Variants in DPP10 observed in about 807,000 individuals in gnomAD.
The protein encoded by DPP10 is dipeptidyl peptidase like 10, also known as inactive dipeptidyl peptidase 10.
DPP10 carries 33 observed loss-of-function variants against 120.9 expected under a neutral mutation model. The ratio of observed to expected loss-of-function variants is 0.27; its 90% confidence interval spans 0.21 to 0.37. The LOEUF (loss-of-function observed/expected upper bound fraction) is 0.37, where lower values mean the gene tolerates loss of function less well. Among genes scored for constraint, DPP10 ranks in the 10% least tolerant of loss-of-function variants. The pLI, the probability that DPP10 is intolerant of heterozygous loss-of-function variation, is 1.00. For synonymous variants in DPP10, 337 were observed against 326.1 expected, an observed-to-expected ratio of 1.03 and a Z score of -0.36; for missense variants, 816 against 942.8, an observed-to-expected ratio of 0.87 and a Z score of 1.76.
intron 3 of DPP10, among the ~76,000 whole-genome samples, chr2:115,413,670 A>G (rs143023763): frequency 1.3e-5 from 2 of 152,314 alleles, no homozygotes; most frequent in Admixed American, 1.3e-4. Context: ...CTGCTGCTTT[A>G]TGAATGAAGT....
At chr2:114,574,475 G>A (rs1026194860) in intron 1 of DPP10, among the ~76,000 whole-genome samples, 2 of 152,206 alleles carry the variant, frequency 1.3e-5, no homozygotes, top group Admixed American at 6.5e-5. Flanking sequence ...AGGCCTGCTT[G>A]GAGGCCCTGT....
At chr2:114,689,899 A>G (rs530576080) in intron 1 of DPP10, among the ~76,000 whole-genome samples, 2 of 151,276 alleles carry the variant, frequency 1.3e-5, no homozygotes, top group East Asian at 3.9e-4. Flanking sequence ...GTGTCTGTTC[A>G]TGTCCTTTGC....
intron 17 of DPP10, among the ~76,000 whole-genome samples, chr2:115,786,147 T>C (rs1683320358): frequency 6.6e-6 from 1 of 152,192 alleles, no homozygotes; most frequent in South Asian, 2.1e-4. Context: ...TAAAATTACA[T>C]GCTTATAACA....
chr2:115,528,934 T>G (rs1265480748), intron 5 of DPP10, among the ~76,000 whole-genome samples: 1 of 152,078 alleles, frequency 6.6e-6, no homozygotes, highest in Non-Finnish European at 1.5e-5. Context: ...GCTCTGTATC[T>G]TAATTATATA....
chr2:114,506,086 C>T (rs1470894374), intron 1 of DPP10, among the ~76,000 whole-genome samples: 1 of 152,222 alleles, frequency 6.6e-6, no homozygotes, highest in African/African-American at 2.4e-5. Flanking sequence ...GCCCCAACCT[C>T]AAGCCTGAAA....
chr2:114,855,792 A>T (rs997376444), intron 1 of DPP10, among the ~76,000 whole-genome samples: 15 of 152,190 alleles, frequency 9.9e-5, no homozygotes, highest in Admixed American at 7.9e-4. Flanking sequence ...GGGGGAGGTC[A>T]TTTCTAGTTG....
At chr2:115,164,425 T>G (rs552260608) in intron 1 of DPP10, among the ~76,000 whole-genome samples, 3 of 152,092 alleles carry the variant, frequency 2.0e-5, no homozygotes, top group Middle Eastern at 3.4e-3. Context: ...TGTGATTAGT[T>G]GTGTGTTTTC....
At chr2:114,805,493 A>T (rs1029517871) in intron 1 of DPP10, among the ~76,000 whole-genome samples, 3 of 152,206 alleles carry the variant, frequency 2.0e-5, no homozygotes, top group Admixed American at 6.5e-5. Flanking sequence ...CCTGCAGCAG[A>T]TGCTTGGCCC....
chr2:115,123,470 T>C (rs573932287), intron 1 of DPP10, among the ~76,000 whole-genome samples: 59 of 152,274 alleles, frequency 3.9e-4, no homozygotes, highest in African/African-American at 1.1e-3. Flanking sequence ...CAAATGCTCA[T>C]TTGAGGCATT....
At chr2:115,805,396 C>G (rs149957179) in intron 19 of DPP10, among the ~76,000 whole-genome samples, 1,881 of 152,214 alleles carry the variant, frequency 0.012, 43 homozygotes, top group African/African-American at 0.041. Flanking sequence ...GGCGATGCCT[C>G]GCCCTGCTTT....
chr2:115,728,288 T>TAA (rs60549082), intron 8 of DPP10, among the ~76,000 whole-genome samples: 1 of 147,314 alleles, frequency 6.8e-6, no homozygotes, highest in African/African-American at 2.5e-5. Flanking sequence ...CCTTTATTTC[T>TAA]AAAAAAAAAA....
intron 5 of DPP10, among the ~76,000 whole-genome samples, chr2:115,589,502 G>T (rs1375155): frequency 0.99 from 150,017 of 152,218 alleles, 73,964 homozygotes; most frequent in East Asian, 1. Context: ...CGTCAATAAC[G>T]TCAATTGATG....
At chr2:114,843,322 A>G (rs1688306426) in intron 1 of DPP10, among the ~76,000 whole-genome samples, 1 of 152,146 alleles carries the variant, frequency 6.6e-6, no homozygotes, top group African/African-American at 2.4e-5. Context: ...TGGTCCCCTG[A>G]AGAAATAAAT....
chr2:114,961,327 T>A (rs892005284), intron 1 of DPP10, among the ~76,000 whole-genome samples: 1 of 152,130 alleles, frequency 6.6e-6, no homozygotes, highest in Non-Finnish European at 1.5e-5. Context: ...GTGCTGAGAT[T>A]AAAGGCATGA....
chr2:115,343,138 A>G (rs114989821), intron 2 of DPP10, among the ~76,000 whole-genome samples: 1,723 of 152,330 alleles, frequency 0.011, 26 homozygotes, highest in African/African-American at 0.04. Flanking sequence ...TGCTGATTTT[A>G]GTATTCAAGT....
chr2:114,727,276 AGTGTGCTTCTG>A (rs1676426972), intron 1 of DPP10, among the ~76,000 whole-genome samples: 2 of 152,312 alleles, frequency 1.3e-5, no homozygotes, highest in South Asian at 4.1e-4. Flanking sequence ...ACAGAAGCTC[AGTGTGCTTCTG>A]GTGACAAGGT....
At chr2:115,716,591 G>T (rs1422088079) in intron 7 of DPP10, among the ~76,000 whole-genome samples, 1 of 152,078 alleles carries the variant, frequency 6.6e-6, no homozygotes, top group Non-Finnish European at 1.5e-5. Flanking sequence ...ATACTAACAG[G>T]AGTAAATTAA....
intron 1 of DPP10, among the ~76,000 whole-genome samples, chr2:114,727,270 A>G (rs1290776859): frequency 1.3e-5 from 2 of 152,158 alleles, no homozygotes; most frequent in Non-Finnish European, 2.9e-5. Flanking sequence ...CAGCACACAG[A>G]AGCTCAGTGT....
intron 1 of DPP10, among the ~76,000 whole-genome samples, chr2:114,593,632 C>T (rs1423830776): frequency 6.6e-6 from 1 of 151,834 alleles, no homozygotes; most frequent in Non-Finnish European, 1.5e-5. Flanking sequence ...ATAATTGTAT[C>T]TATTTATGGG....
Sources: allele counts gnomAD v4.1 joint callset (sites outside exome capture counted in the v4.1 genomes callset), GRCh38; gene constraint gnomAD v4.1.1; transcripts MANE v1.5; gene names NCBI Gene and HGNC (gene_info 2026-07-23, HGNC 2026-07-21).